The following FGF5 variants were observed in gnomAD, a reference collection of about 807,000 sequenced individuals.
FGF5 encodes heparin-binding growth factor 5.
FGF5 carries 23 observed loss-of-function variants against 21.8 expected under a neutral mutation model. That is an observed-to-expected ratio of 1.05 (90% confidence interval 0.76 to 1.49). The LOEUF (loss-of-function observed/expected upper bound fraction) is 1.49, where lower values mean the gene tolerates loss of function less well. Ranked by LOEUF, FGF5 falls within the 40% of genes most tolerant of loss-of-function variation. FGF5 has a pLI of 0.00. For missense variants in FGF5, 352 were observed against 332.9 expected (o/e 1.06, Z -0.45); for synonymous variants, 158 against 124.0 (o/e 1.27, Z -1.82).
At position 80,266,763 on chromosome 4, in the gene FGF5, A is replaced by G. The variant is rs910732178; in HGVS notation, c.-62A>G. 4 of 1,363,160 alleles carry G rather than the reference A, an allele frequency of 2.9e-6. No individual in the cohort carries two copies. The highest frequency in any genetic ancestry group is 4.6e-5 in the Admixed American group (2 of 43,568). 84.4% of individuals were successfully genotyped at this position (1,363,160 alleles called of 1,614,324 possible). A position where few individuals can be genotyped will look rare whatever the true frequency, so the allele number is the denominator to read the frequency against. On this transcript the variant is annotated 5_prime_UTR_variant, in exon 1 of 3. Coordinates refer to ENST00000312465, the MANE Select transcript of FGF5 (RefSeq NM_004464.4). ...CAGAGCCAGAGGCACGCAGCCGCAC[A>G]GGGGCTACAGAGCCCAGAATCAGCC...
At chr4:80,277,321 C>G (rs1720441961) in intron 2 of FGF5, among the ~76,000 whole-genome samples, 1 of 152,096 alleles carries the variant, frequency 6.6e-6, no homozygotes, top group Non-Finnish European at 1.5e-5. Flanking sequence ...ATTCTGATGA[C>G]TTTGAGCTAA....
At chr4:80,285,512 C>A (rs1418482528) in intron 2 of FGF5, among the ~76,000 whole-genome samples, 2 of 152,184 alleles carry the variant, frequency 1.3e-5, no homozygotes, top group African/African-American at 4.8e-5. Context: ...CACCTCCACC[C>A]TCTTAGATGC....
chr4:80,276,658 C>G (rs1720420599), intron 2 of FGF5, among the ~76,000 whole-genome samples: 1 of 151,682 alleles, frequency 6.6e-6, no homozygotes, highest in Admixed American at 6.6e-5. Flanking sequence ...CCCTTTCCCC[C>G]TGAGTTCCCA....
chr4:80,269,884 A>T (rs574281724), intron 1 of FGF5, among the ~76,000 whole-genome samples: 1 of 152,194 alleles, frequency 6.6e-6, no homozygotes, highest in Non-Finnish European at 1.5e-5. Context: ...CTACTTCATA[A>T]AATTTTTACT....
intron 2 of FGF5, among the ~76,000 whole-genome samples, chr4:80,282,884 AG>A (rs1720595980): frequency 6.6e-6 from 1 of 152,214 alleles, no homozygotes; most frequent in African/African-American, 2.4e-5. Flanking sequence ...AATAAAAATC[AG>A]CCTGGAAAAT....
Position 80,279,431 on chromosome 4 carries a change from G to A in FGF5, c.459+4419G>A, listed in dbSNP as rs1294758457. On this transcript the variant is annotated intron_variant, in intron 2 of 2. Coordinates refer to ENST00000312465, the MANE Select transcript of FGF5 (RefSeq NM_004464.4). ...TTAATCTTTTTCTTTCTGATTTTGG[G>A]GTCAGGCAACTGTGACCCTTAAATT... 3.9e-5 allele frequency among the ~76,000 whole-genome samples: 6 copies of A among 152,100 alleles called. No individual in the cohort carries two copies. The South Asian group carries it at 8.3e-4, about 21-fold the overall frequency.
chr4:80,274,702 T>C lies in FGF5; in HGVS notation c.356-207T>C, dbSNP rs34383234. ...GATGAAGTAGAATCAAATTTTTGAA[T>C]CTTGAAATTATTTTAAATGAACACT... On this transcript the variant is annotated intron_variant, in intron 1 of 2. Transcript: ENST00000312465. Among the ~76,000 whole-genome samples, 524 of 152,270 alleles carry C rather than the reference T, an allele frequency of 3.4e-3. 1 individual carries two copies. The highest frequency in any genetic ancestry group is 4.1e-3 in the Non-Finnish European group (277 of 67,968).
chr4:80,268,026 GGTAGGGGTGCAGATTTT>G (rs1017729681), intron 1 of FGF5, among the ~76,000 whole-genome samples: 7 of 152,194 alleles, frequency 4.6e-5, no homozygotes, highest in African/African-American at 9.7e-5. Context: ...GGTTAAATTT[GGTAGGGGTGCAGATTTT>G]GTAGGACTTT....
Position 80,286,494 on chromosome 4 carries a change from A to G in FGF5, c.629A>G (p.His210Arg), listed in dbSNP as rs1429329987. The change falls in exon 3 of 3, where the codon CAT becomes CGT. Residue 210 changes from histidine to arginine, a missense_variant. By Grantham distance (29) the His-to-Arg change is conservative. Transcript: ENST00000312465. ...TGCAGCCCCCGGGTTAAACCCCAGC[A>G]TATCTCTACCCATTTTCTGCCAAGA... ...RGCSPRVKPQ[H>R]ISTHFLPRFK... 32 of 1,614,080 alleles carry G rather than the reference A, an allele frequency of 2.0e-5. No homozygotes were observed. The highest frequency in any genetic ancestry group is 2.6e-5 in the Non-Finnish European group (31 of 1,180,006).
At position 80,289,150 on chromosome 4, in the gene FGF5, C is replaced by G. The variant is rs554490763; in HGVS notation, c.*2478C>G. On this transcript the variant is annotated 3_prime_UTR_variant, in exon 3 of 3. Transcript: ENST00000312465. ...CTGGGATTACAGACTCATGCCACCA[C>G]GCCAGCTAATTTTTGTATTTTTAGT... 1.3e-5 allele frequency: 2 copies of G among 151,966 alleles called. No homozygotes were observed. The highest frequency in any genetic ancestry group is 2.9e-5 in the Non-Finnish European group (2 of 68,068). 9.4% of individuals were successfully genotyped at this position (151,966 alleles called of 1,614,324 possible).
intron 1 of FGF5, among the ~76,000 whole-genome samples, chr4:80,268,867 T>A (rs1720191051): frequency 6.6e-6 from 1 of 152,212 alleles, no homozygotes; most frequent in South Asian, 2.1e-4. Flanking sequence ...ACTGCTCATT[T>A]GGGGGATAAA....
chr4:80,269,250 A>G (rs536587321), intron 1 of FGF5, among the ~76,000 whole-genome samples: 1 of 152,236 alleles, frequency 6.6e-6, no homozygotes, highest in African/African-American at 2.4e-5. Context: ...TCAAGGGCGG[A>G]CCCCAAACTA....
chr4:80,281,110 G>A lies in FGF5; in HGVS notation c.460-5215G>A, dbSNP rs116381589. The stretch of plus-strand genomic sequence containing the variant: ...CCAGTACCAAGCAGGAGATATGGCC[G>A]TGCCTGGGAGATAGCATGGCAAGGC... On this transcript the variant is annotated intron_variant, in intron 2 of 2. Transcript: ENST00000312465. 3.6e-3 allele frequency among the ~76,000 whole-genome samples: 541 copies of A among 152,196 alleles called. 2 individuals are homozygous for A. Among genetic ancestry groups the A allele is most frequent in the Non-Finnish European group, 6.2e-3 (420 of 68,022 alleles).
At chr4:80,271,016 A>T (rs1165365535) in intron 1 of FGF5, among the ~76,000 whole-genome samples, 1 of 152,246 alleles carries the variant, frequency 6.6e-6, no homozygotes, top group South Asian at 2.1e-4. Flanking sequence ...TTCAGATTTC[A>T]TAACTTGGCA....
chr4:80,267,251 C>A, intron 1 of FGF5, 72 bp downstream of exon 1: 1 of 1,233,150 alleles, frequency 8.1e-7, no homozygotes, highest in Non-Finnish European at 1.1e-6. Context: ...AGCAGGTATT[C>A]GCCGGGACAC....
In FGF5 at chr4:80,268,086, T is replaced by C. The variant is rs574221141; in HGVS notation, c.355+907T>C. Among the ~76,000 whole-genome samples the C allele has an allele frequency of 2.1e-4, 32 of 152,056 alleles. No individual in the cohort carries two copies. In the South Asian group the frequency reaches 6.2e-3, roughly 30 times the overall value. On this transcript the variant is annotated intron_variant, in intron 1 of 2. Coordinates refer to ENST00000312465, the MANE Select transcript of FGF5 (RefSeq NM_004464.4). ...CAAAGTTTTAAATTTTCCCTCTGAGTTTTTTCTTTCAGCACGCTCTCTTTT... is the reference window on the plus strand; with the variant it reads ...CAAAGTTTTAAATTTTCCCTCTGAGCTTTTTCTTTCAGCACGCTCTCTTTT...
In FGF5 at chr4:80,266,667, C is replaced by T. The variant is rs966115558; in HGVS notation, c.-158C>T. On this transcript the variant is annotated 5_prime_UTR_variant, in exon 1 of 3. Transcript: ENST00000312465. Reference sequence around the variant, plus strand: ...CCCGGTGCCAGCGCGGAGATCCGCTCGGGTGGCCTCTCTCTTCCCCTCTCC... The same window carrying T: ...CCCGGTGCCAGCGCGGAGATCCGCTTGGGTGGCCTCTCTCTTCCCCTCTCC... 3 of 625,586 alleles carry T rather than the reference C, an allele frequency of 4.8e-6. No individual in the cohort carries two copies. The highest frequency in any genetic ancestry group is 8.3e-6 in the Non-Finnish European group (3 of 363,424). The allele number at this position is 625,586 out of a possible 1,614,324, so 38.8% of individuals were successfully genotyped here. A position where few individuals can be genotyped will look rare whatever the true frequency, so the allele number is the denominator to read the frequency against.
At chr4:80,282,803 T>TC (rs1234315568) in intron 2 of FGF5, among the ~76,000 whole-genome samples, 1 of 152,040 alleles carries the variant, frequency 6.6e-6, no homozygotes, top group East Asian at 1.9e-4. Context: ...TCTAGAAAAA[T>TC]AATGGAGTTC....
At position 80,286,388 on chromosome 4, in the gene FGF5, G is replaced by T. The variant is rs145032506; in HGVS notation, c.523G>T (p.Ala175Ser). The change falls in exon 3 of 3, where the codon GCC becomes TCC. Residue 175 changes from alanine (A) to serine (S), a missense_variant. Coordinates refer to ENST00000312465, the MANE Select transcript of FGF5 (RefSeq NM_004464.4). ...TCAAGAAAATAGCTATAATACCTAT[G>T]CCTCAGCAATACATAGAACTGAAAA... Reference protein sequence around the residue: ...RFQENSYNTYASAIHRTEKTG... With the variant: ...RFQENSYNTYSSAIHRTEKTG... 2.0e-5 allele frequency: 32 copies of T among 1,613,802 alleles called. No homozygotes were observed. The African/African-American group carries it at 3.3e-4, about 17-fold the overall frequency.
Sources: gnomAD v4.1 joint callset for allele counts (sites outside exome capture counted in the v4.1 genomes callset) on GRCh38, gnomAD v4.1.1 for gene constraint, MANE v1.5 for transcripts, NCBI Gene and HGNC (gene_info 2026-07-23, HGNC 2026-07-21) for gene names.